Variants in PLCL1 observed in about 807,000 individuals in gnomAD.
PLCL1 encodes inactive phospholipase C-like protein 1.
Under a neutral mutation model 84.4 loss-of-function variants are expected in PLCL1, and 41 were observed. The ratio of observed to expected loss-of-function variants is 0.49; its 90% CI spans 0.38 to 0.63. The LOEUF (loss-of-function observed/expected upper bound fraction) is 0.63, where lower values mean the gene tolerates loss of function less well. Ranked by LOEUF, PLCL1 falls within the 30% of genes least tolerant of loss-of-function variation. The pLI, the probability that PLCL1 is intolerant of heterozygous loss-of-function variation, is 0.00. For synonymous variants in PLCL1, 490 were observed against 488.3 expected (o/e 1.00, Z -0.05); for missense variants, 1,206 against 1,367.8 (o/e 0.88, Z 1.87).
At chr2:198,109,743 A>G (rs867353618) in intron 5 of PLCL1, among the ~76,000 whole-genome samples, 2 of 151,872 alleles carry the variant, frequency 1.3e-5, no homozygotes, top group African/African-American at 4.8e-5. Context: ...AGGTGATCAC[A>G]TCTATAAAAC....
chr2:198,080,403 A>G (rs984227869), intron 1 of PLCL1, among the ~76,000 whole-genome samples: 2 of 152,154 alleles, frequency 1.3e-5, no homozygotes, highest in African/African-American at 4.8e-5. Context: ...CTTTCTCACC[A>G]TCAATCTGCC....
intron 1 of PLCL1, among the ~76,000 whole-genome samples, chr2:197,810,012 G>T (rs1690551670): frequency 6.6e-6 from 1 of 152,078 alleles, no homozygotes; most frequent in Admixed American, 6.5e-5. Context: ...ACCAACTTAT[G>T]GATGGATTTT....
intron 1 of PLCL1, among the ~76,000 whole-genome samples, chr2:197,822,352 A>C (rs1210876867): frequency 6.6e-6 from 1 of 152,142 alleles, no homozygotes; most frequent in Non-Finnish European, 1.5e-5. Context: ...GTTGAGCCCA[A>C]ATCAAGTTAT....
chr2:198,060,149 G>T (rs562389589), intron 1 of PLCL1, among the ~76,000 whole-genome samples: 1 of 151,996 alleles, frequency 6.6e-6, no homozygotes, highest in Non-Finnish European at 1.5e-5. Context: ...CATTAAAAAT[G>T]AAGAAATCAG....
intron 1 of PLCL1, among the ~76,000 whole-genome samples, chr2:197,910,303 T>C (rs973883909): frequency 6.6e-6 from 1 of 152,238 alleles, no homozygotes; most frequent in East Asian, 1.9e-4. Flanking sequence ...TTTGGTTTCA[T>C]CTTCTGTAAA....
chr2:197,921,032 G>A (rs985877749), intron 1 of PLCL1, among the ~76,000 whole-genome samples: 6 of 152,106 alleles, frequency 3.9e-5, no homozygotes, highest in African/African-American at 9.7e-5. Flanking sequence ...AGACTTAGAC[G>A]GTGTAGCCTA....
chr2:197,851,993 G>C, intron 1 of PLCL1, among the ~76,000 whole-genome samples: 1 of 152,204 alleles, frequency 6.6e-6, no homozygotes, highest in Admixed American at 6.5e-5. Context: ...TTTCCAAATA[G>C]CTCTCCTCTC....
At chr2:197,962,991 G>A (rs961485288) in intron 1 of PLCL1, among the ~76,000 whole-genome samples, 1 of 152,056 alleles carries the variant, frequency 6.6e-6, no homozygotes, top group African/African-American at 2.4e-5. Flanking sequence ...GGACACTTAT[G>A]TTGTTTCCAA....
chr2:198,124,011 A>T (rs1693931054), intron 5 of PLCL1, among the ~76,000 whole-genome samples: 1 of 152,104 alleles, frequency 6.6e-6, no homozygotes, highest in Non-Finnish European at 1.5e-5. Flanking sequence ...TGGCAGCCCT[A>T]GCAGACTAAT....
chr2:198,008,629 A>G (rs1004307138), intron 1 of PLCL1, among the ~76,000 whole-genome samples: 6 of 151,694 alleles, frequency 4.0e-5, no homozygotes, highest in African/African-American at 1.2e-4. Flanking sequence ...GACTGCTTCT[A>G]TCTCTTGGCT....
intron 1 of PLCL1, among the ~76,000 whole-genome samples, chr2:197,899,501 T>C (rs1172033283): frequency 6.6e-6 from 1 of 152,132 alleles, no homozygotes; most frequent in Non-Finnish European, 1.5e-5. Context: ...TAGTAGAAGG[T>C]TTATGAACCT....
intron 1 of PLCL1, among the ~76,000 whole-genome samples, chr2:197,922,448 A>G (rs866678535): frequency 3.0e-3 from 340 of 113,734 alleles, no homozygotes; most frequent in Middle Eastern, 4.1e-3. Flanking sequence ...CGATTTCTCA[A>G]TCTTTTCCCC....
chr2:198,130,880 C>G (rs998236668), intron 5 of PLCL1, among the ~76,000 whole-genome samples: 8 of 152,162 alleles, frequency 5.3e-5, no homozygotes, highest in African/African-American at 1.9e-4. Flanking sequence ...TTTTCCCACT[C>G]CATAGCATAG....
At chr2:198,062,394 A>G (rs1300510668) in intron 1 of PLCL1, among the ~76,000 whole-genome samples, 4 of 152,118 alleles carry the variant, frequency 2.6e-5, no homozygotes, top group Non-Finnish European at 1.5e-5. Context: ...TGGAGGTTGG[A>G]CTTTTCTCAG....
In PLCL1 at chr2:197,808,139, T is replaced by A. The variant is rs190843795; in HGVS notation, c.240+2800T>A. On this transcript the variant is annotated intron_variant, in intron 1 of 5. Coordinates refer to ENST00000428675, the MANE Select transcript of PLCL1 (RefSeq NM_006226.4). Reference sequence around the variant, plus strand: ...ATGTGAGAATTAAACTAAGTTTTTTTAAAATCTGTCTACTTTTTCCTATAT... The same window carrying A: ...ATGTGAGAATTAAACTAAGTTTTTTAAAAATCTGTCTACTTTTTCCTATAT... 5.0e-3 allele frequency among the ~76,000 whole-genome samples: 761 copies of A among 152,334 alleles called. 8 individuals are homozygous for A. Among genetic ancestry groups the A allele is most frequent in the African/African-American group, 0.016 (685 of 41,568 alleles).
intron 1 of PLCL1, among the ~76,000 whole-genome samples, chr2:197,938,700 T>C (rs556325143): frequency 6.6e-6 from 1 of 152,284 alleles, no homozygotes; most frequent in South Asian, 2.1e-4. Flanking sequence ...TTTATATAAC[T>C]TCCTGAAGGT....
chr2:198,024,833 A>C (rs538747230), intron 1 of PLCL1, among the ~76,000 whole-genome samples: 3 of 152,172 alleles, frequency 2.0e-5, no homozygotes, highest in Non-Finnish European at 2.9e-5. Flanking sequence ...GCATCATGAA[A>C]ATTTCTGATG....
chr2:197,941,564 G>A (rs1255201538), intron 1 of PLCL1, among the ~76,000 whole-genome samples: 1 of 152,170 alleles, frequency 6.6e-6, no homozygotes, highest in Non-Finnish European at 1.5e-5. Context: ...GATTACTGGC[G>A]TGGGCCACTG....
intron 1 of PLCL1, among the ~76,000 whole-genome samples, chr2:198,045,799 A>G (rs1021738680): frequency 6.6e-6 from 1 of 152,216 alleles, no homozygotes; most frequent in Non-Finnish European, 1.5e-5. Context: ...AAAATTGTCA[A>G]TAATAGCATA....
Sources: gnomAD v4.1 joint callset for allele counts (sites outside exome capture counted in the v4.1 genomes callset) on GRCh38, gnomAD v4.1.1 for gene constraint, MANE v1.5 for transcripts, NCBI Gene and HGNC (gene_info 2026-07-23, HGNC 2026-07-21) for gene names.